Variants in GARRE1 observed in about 807,000 individuals in gnomAD.
GARRE1 encodes granule associated Rac and RHOG effector 1, also known as granule associated Rac and RHOG effector protein 1.
Under a neutral mutation model 103.2 loss-of-function variants are expected in GARRE1, and 49 were observed. That is an observed-to-expected ratio of 0.47 (90% CI 0.38 to 0.60). GARRE1 has a LOEUF of 0.60. GARRE1 is among the 20% of genes least tolerant of loss of function. The pLI, the probability that GARRE1 is intolerant of heterozygous loss-of-function variation, is 0.00. For missense variants in GARRE1, 1,199 were observed against 1,370.5 expected (o/e 0.87, Z 1.98); for synonymous variants, 505 against 532.8 (o/e 0.95, Z 0.72).
chr19:34,325,196 G>A (rs562146054), intron 3 of GARRE1, among the ~76,000 whole-genome samples: 11 of 152,206 alleles, frequency 7.2e-5, no homozygotes, highest in Admixed American at 2.6e-4. Context: ...CACAATTTCT[G>A]AATGTGAGTT....
intron 2 of GARRE1, among the ~76,000 whole-genome samples, chr19:34,304,065 A>G (rs2073994487): frequency 1.3e-5 from 2 of 150,714 alleles, no homozygotes; most frequent in South Asian, 4.2e-4. Flanking sequence ...TCCTTGGGTC[A>G]GGGTCATTCT....
At chr19:34,270,590 T>C (rs1405892687) in intron 1 of GARRE1, among the ~76,000 whole-genome samples, 2 of 152,214 alleles carry the variant, frequency 1.3e-5, no homozygotes, top group Non-Finnish European at 2.9e-5. Flanking sequence ...CTCAGATCTT[T>C]GAGGGGGGCC....
intron 1 of GARRE1, among the ~76,000 whole-genome samples, chr19:34,271,252 T>C (rs539887459): frequency 2.1e-3 from 314 of 148,250 alleles, no homozygotes; most frequent in African/African-American, 7.3e-3. Flanking sequence ...TTTCTTTTTT[T>C]TTTTTTTTTT....
At chr19:34,319,283 T>C (rs1052603761) in intron 2 of GARRE1, among the ~76,000 whole-genome samples, 2 of 152,224 alleles carry the variant, frequency 1.3e-5, no homozygotes, top group African/African-American at 4.8e-5. Context: ...CACTGATATA[T>C]ATCAGGTTAA....
rs1599774388 is a variant in GARRE1 at position 34,326,768 on chromosome 19, T to TAACGATTCC, written c.706-653_706-652insAACGATTCC. 6.6e-5 allele frequency among the ~76,000 whole-genome samples: 10 copies of TAACGATTCC among 152,188 alleles called. No individual in the cohort carries two copies. The East Asian group carries it at 1.7e-3, about 26-fold the overall frequency. On this transcript the variant is annotated intron_variant, in intron 3 of 13. Transcript: ENST00000299505. ...TTTTAAAGCAGGAAAGTTAAAAATG[T>TAACGATTCC]CTGAGTATATACACACATATATATG...
At chr19:34,289,704 C>G (rs112059386) in intron 1 of GARRE1, among the ~76,000 whole-genome samples, 1 of 150,332 alleles carries the variant, frequency 6.7e-6, no homozygotes, top group South Asian at 2.1e-4. Flanking sequence ...AGCCTGGTGA[C>G]AGAGCTAGAC....
rs1410993735 is a variant in GARRE1, at chr19:34,340,079, T to C, written c.1487+87T>C. Reference sequence around the variant, plus strand: ...ATGTGTGCTTGTGTCATTGATAGTATACGGTATTGTAAAGAAGGCAGTAAG... The same window carrying C: ...ATGTGTGCTTGTGTCATTGATAGTACACGGTATTGTAAAGAAGGCAGTAAG... On this transcript the variant is annotated intron_variant, in intron 9 of 13. Coordinates refer to ENST00000299505, the MANE Select transcript of GARRE1 (RefSeq NM_014686.5). 6.4e-6 allele frequency: 9 copies of C among 1,405,876 alleles called. 1 individual carries two copies. Among genetic ancestry groups the C allele is most frequent in the South Asian group, 6.1e-5 (5 of 81,970 alleles). 87.1% of individuals were successfully genotyped at this position (1,405,876 alleles called of 1,614,324 possible).
chr19:34,282,357 G>A (rs1474955098), intron 1 of GARRE1, among the ~76,000 whole-genome samples: 1 of 152,116 alleles, frequency 6.6e-6, no homozygotes, highest in African/African-American at 2.4e-5. Context: ...TCACCATGCT[G>A]GCCAGGCTGG....
chr19:34,317,526 G>A (rs2074065671), intron 2 of GARRE1, among the ~76,000 whole-genome samples: 1 of 152,174 alleles, frequency 6.6e-6, no homozygotes, highest in African/African-American at 2.4e-5. Flanking sequence ...CCCTCCCTGT[G>A]TCTGCAGTGG....
At chr19:34,276,772 G>A (rs1351075968) in intron 1 of GARRE1, among the ~76,000 whole-genome samples, 1 of 152,212 alleles carries the variant, frequency 6.6e-6, no homozygotes, top group African/African-American at 2.4e-5. Context: ...TCGAGTTTGC[G>A]CGACAGTGCC....
In GARRE1 at chr19:34,300,997, T is replaced by G. The variant is rs950097548; in HGVS notation, c.495+29T>G. 2.5e-6 allele frequency: 4 copies of G among 1,569,064 alleles called. No homozygotes were observed. The African/African-American group carries it at 5.4e-5, about 21-fold the overall frequency. ...GAGTATCTTTTGTGTCATACTTGTGTAGGAAAATATACTACAAAGGTAAGT... is the reference window on the plus strand; with the variant it reads ...GAGTATCTTTTGTGTCATACTTGTGGAGGAAAATATACTACAAAGGTAAGT... On this transcript the variant is annotated intron_variant, in intron 2 of 13. Transcript: ENST00000299505.
intron 1 of GARRE1, among the ~76,000 whole-genome samples, chr19:34,294,651 A>G (rs1216965166): frequency 1.3e-5 from 2 of 151,802 alleles, no homozygotes; most frequent in Non-Finnish European, 2.9e-5. Context: ...TATATGGGCT[A>G]TATTCTTTTG....
intron 2 of GARRE1, among the ~76,000 whole-genome samples, chr19:34,305,902 G>A (rs2074005526): frequency 6.6e-6 from 1 of 152,180 alleles, no homozygotes; most frequent in South Asian, 2.1e-4. Flanking sequence ...TGGAAACTAA[G>A]TATTTGGTGG....
intron 8 of GARRE1, among the ~76,000 whole-genome samples, chr19:34,339,207 T>C (rs2145277435): frequency 6.6e-6 from 1 of 152,302 alleles, no homozygotes; most frequent in Non-Finnish European, 1.5e-5. Flanking sequence ...ACTCCCCACT[T>C]CAGATGCCAT....
chr19:34,266,446 C>CT (rs1304646012), intron 1 of GARRE1, among the ~76,000 whole-genome samples: 1 of 152,240 alleles, frequency 6.6e-6, no homozygotes, highest in East Asian at 1.9e-4. Context: ...ACTGCAACCT[C>CT]TATCTCCGGG....
At chr19:34,299,113 G>A (rs771185656) in intron 1 of GARRE1, among the ~76,000 whole-genome samples, 7 of 152,168 alleles carry the variant, frequency 4.6e-5, no homozygotes, top group African/African-American at 9.7e-5. Flanking sequence ...CGACTGTCCC[G>A]TCCTACTTTG....
rs555545573 is a variant in GARRE1, at chr19:34,336,015, A to G, written c.1361+2214A>G. On this transcript the variant is annotated intron_variant, in intron 8 of 13. Coordinates refer to ENST00000299505, the MANE Select transcript of GARRE1 (RefSeq NM_014686.5). The stretch of plus-strand genomic sequence containing the variant: ...TATTATTTTTTTTTTGGTAGAGACA[A>G]GATCTCATGCTGTCCCCCAGACTGC... 2.6e-5 allele frequency among the ~76,000 whole-genome samples: 4 copies of G among 151,996 alleles called. No individual in the cohort carries two copies. In the South Asian group the frequency reaches 8.3e-4, roughly 32 times the overall value.
At chr19:34,294,997 A>G (rs1184049879) in intron 1 of GARRE1, among the ~76,000 whole-genome samples, 1 of 152,220 alleles carries the variant, frequency 6.6e-6, no homozygotes, top group East Asian at 1.9e-4. Flanking sequence ...TTTTAATGAC[A>G]TAATGTGGCA....
At chr19:34,262,732 G>A (rs886779195) in intron 1 of GARRE1, among the ~76,000 whole-genome samples, 5 of 152,140 alleles carry the variant, frequency 3.3e-5, no homozygotes, top group East Asian at 1.9e-4. Flanking sequence ...GAAAAACCAC[G>A]AAGTTAAAAT....
Sources: gnomAD v4.1 joint callset for allele counts (sites outside exome capture counted in the v4.1 genomes callset) on GRCh38, gnomAD v4.1.1 for gene constraint, MANE v1.5 for transcripts, NCBI Gene and HGNC (gene_info 2026-07-23, HGNC 2026-07-21) for gene names.